The following TSHR variants were observed in gnomAD, a reference collection of about 807,000 sequenced individuals.
TSHR encodes thyrotropin receptor.
In TSHR, 51 loss-of-function variants were observed where a neutral mutation model predicts 64.1. That is an observed-to-expected ratio of 0.80 (90% confidence interval 0.64 to 1.01). The LOEUF (loss-of-function observed/expected upper bound fraction) is 1.01, where lower values mean the gene tolerates loss of function less well. Among genes scored for constraint, TSHR ranks in the 50% least tolerant of loss-of-function variants. TSHR has a pLI of 0.00. For synonymous variants in TSHR, 361 were observed against 361.9 expected (o/e 1.00, Z 0.03); for missense variants, 877 against 942.8 (o/e 0.93, Z 0.91).
chr14:81,087,594 A>G, intron 3 of TSHR: 1 of 323,578 alleles, frequency 3.1e-6, no homozygotes, highest in South Asian at 2.7e-5. Flanking sequence ...ACTTATAAAT[A>G]ATAAAGATAT....
intron 1 of TSHR, among the ~76,000 whole-genome samples, chr14:81,005,510 C>T (rs1406872873): frequency 6.6e-6 from 1 of 152,070 alleles, no homozygotes; most frequent in African/African-American, 2.4e-5. Flanking sequence ...AAGTATCATA[C>T]TTAGTAGAAA....
At chr14:80,991,298 G>A (rs1310060015) in intron 1 of TSHR, among the ~76,000 whole-genome samples, 1 of 152,100 alleles carries the variant, frequency 6.6e-6, no homozygotes, top group African/African-American at 2.4e-5. Context: ...TTTCAGACAA[G>A]TGGTTTTACC....
intron 1 of TSHR, among the ~76,000 whole-genome samples, chr14:81,022,206 C>G (rs1883799307): frequency 6.6e-6 from 1 of 151,650 alleles, no homozygotes; most frequent in Non-Finnish European, 1.5e-5. Context: ...AGAGGCGGAG[C>G]TTGCAGTGAG....
rs374416926 is a variant in TSHR at position 81,038,746 on chromosome 14, A to G, written c.171-23402A>G. ...TTAAAGTATAATAAAAAATAAATAT[A>G]TATATATTAAAAATAAATAAAAAGA... On this transcript the variant is annotated intron_variant, in intron 1 of 9. Coordinates refer to ENST00000298171, the MANE Select transcript of TSHR (RefSeq NM_000369.5). 4.1e-5 allele frequency among the ~76,000 whole-genome samples: 6 copies of G among 147,644 alleles called. No homozygotes were observed. The East Asian group carries it at 1.2e-3, about 29-fold the overall frequency.
At chr14:81,091,651 C>A (rs1888745905) in intron 5 of TSHR, among the ~76,000 whole-genome samples, 1 of 152,224 alleles carries the variant, frequency 6.6e-6, no homozygotes, top group Non-Finnish European at 1.5e-5. Flanking sequence ...TTTTTAAACA[C>A]TTTCCCACAC....
intron 1 of TSHR, among the ~76,000 whole-genome samples, chr14:80,964,764 A>G (rs1015907747): frequency 2.0e-5 from 3 of 152,244 alleles, no homozygotes; most frequent in Non-Finnish European, 4.4e-5. Context: ...CTATGACTCA[A>G]TCTTTTTATT....
chr14:81,109,068 G>A, intron 8 of TSHR: 5 of 1,064,576 alleles, frequency 4.7e-6, no homozygotes, highest in Non-Finnish European at 6.0e-6. Context: ...CCTTGGTTTT[G>A]CCTCAGTTTA....
intron 1 of TSHR, among the ~76,000 whole-genome samples, chr14:80,989,038 C>T (rs1170822642): frequency 6.6e-6 from 1 of 152,208 alleles, no homozygotes; most frequent in African/African-American, 2.4e-5. Context: ...TCTGGGAGCA[C>T]CTCAAATTCA....
At chr14:80,966,993 G>A (rs1887347502) in intron 1 of TSHR, among the ~76,000 whole-genome samples, 1 of 152,026 alleles carries the variant, frequency 6.6e-6, no homozygotes. Flanking sequence ...CCTCCCAAAA[G>A]CCCCATCTTC....
At chr14:80,964,703 A>T (rs1005094153) in intron 1 of TSHR, among the ~76,000 whole-genome samples, 2 of 152,186 alleles carry the variant, frequency 1.3e-5, no homozygotes, top group Admixed American at 6.5e-5. Flanking sequence ...GACCCCTCAC[A>T]AGTTAAGAAA....
intron 1 of TSHR, chr14:80,994,233 C>T (rs1267947142): frequency 5.5e-5 from 8 of 144,466 alleles, no homozygotes; most frequent in Non-Finnish European, 1.1e-4. Flanking sequence ...CAAAAAAAGT[C>T]TTCACTGACT....
intron 1 of TSHR, among the ~76,000 whole-genome samples, chr14:81,002,783 T>TAACTGCCAGTTTAAAAGACTGCTG (rs1566757847): frequency 2.4e-4 from 3 of 12,574 alleles, no homozygotes; most frequent in Non-Finnish European, 4.4e-4. Context: ...TAATGCCTCT[T>TAACTGCCAGTTTAAAAGACTGCTG]TTTTTTTTTT....
At chr14:81,099,101 G>A (rs1003761684) in intron 7 of TSHR, among the ~76,000 whole-genome samples, 3 of 152,114 alleles carry the variant, frequency 2.0e-5, no homozygotes, top group East Asian at 1.9e-4. Context: ...AGGTTTTGCC[G>A]TCAGACATTC....
chr14:80,956,653 C>G (rs1886710135), intron 1 of TSHR, among the ~76,000 whole-genome samples: 1 of 150,006 alleles, frequency 6.7e-6, no homozygotes, highest in Non-Finnish European at 1.5e-5. Flanking sequence ...GACAGTAAAA[C>G]AACCTAGGCT....
chr14:81,051,503 G>A (rs1437099202), intron 1 of TSHR: 2 of 152,090 alleles, frequency 1.3e-5, no homozygotes, highest in Admixed American at 6.6e-5. Context: ...GAATACTGCT[G>A]CAGTGAATGT....
At position 81,068,289 on chromosome 14, in the gene TSHR, A is replaced by G. The variant is rs772899489; in HGVS notation, c.278A>G (p.Glu93Gly). The change falls in exon 3 of 10, where the codon GAA (glutamate) becomes GGA (glycine). Residue 93 changes from glutamate (E) to glycine (G), a missense_variant. Transcript: ENST00000298171. ...VSIDVTLQQL[E>G]SHSFYNLSKV... Reference sequence around the variant, plus strand: ...ATAGATGTGACTCTGCAGCAGCTGGAATCACACTCCTTCTACAATTTGAGT... The same window carrying G: ...ATAGATGTGACTCTGCAGCAGCTGGGATCACACTCCTTCTACAATTTGAGT... The G allele has an allele frequency of 6.2e-7, 1 of 1,613,260 alleles. No homozygotes were observed. The highest frequency in any genetic ancestry group is 1.3e-5 in the African/African-American group (1 of 74,994).
At chr14:81,078,016 CTA>C (rs1887624557) in intron 3 of TSHR, among the ~76,000 whole-genome samples, 1 of 152,008 alleles carries the variant, frequency 6.6e-6, no homozygotes, top group Non-Finnish European at 1.5e-5. Context: ...TATTTTATTC[CTA>C]TATATGTTAT....
At chr14:81,070,687 G>A (rs1245375477) in intron 3 of TSHR, among the ~76,000 whole-genome samples, 1 of 140,736 alleles carries the variant, frequency 7.1e-6, no homozygotes, top group African/African-American at 2.6e-5. Context: ...TTTCAAGGAT[G>A]TAACAAGACT....
intron 1 of TSHR, chr14:80,982,469 C>A: frequency 9.0e-7 from 1 of 1,108,778 alleles, no homozygotes; most frequent in South Asian, 2.4e-5. Context: ...AGTTGCAAAC[C>A]TAGGTCTGGG....
Sources: gnomAD v4.1 joint callset for allele counts (sites outside exome capture counted in the v4.1 genomes callset) on GRCh38, gnomAD v4.1.1 for gene constraint, MANE v1.5 for transcripts, NCBI Gene and HGNC (gene_info 2026-07-23, HGNC 2026-07-21) for gene names.